XKR4: variants seen among roughly 807,000 people sequenced by gnomAD.
XKR4 encodes XK-related protein 4.
Under a neutral mutation model 53.9 loss-of-function variants are expected in XKR4, and 12 were observed. The observed-to-expected ratio is 0.22, with a 90% CI of 0.14 to 0.36. The LOEUF is 0.36. XKR4 is among the 10% of genes least tolerant of loss of function. The pLI, the probability that XKR4 is intolerant of heterozygous loss-of-function variation, is 1.00. For synonymous variants in XKR4, 354 were observed against 362.4 expected (o/e 0.98, Z 0.26); for missense variants, 799 against 859.5 (o/e 0.93, Z 0.88).
chr8:55,281,469 G>A (rs1818844097), intron 1 of XKR4, among the ~76,000 whole-genome samples: 1 of 152,150 alleles, frequency 6.6e-6, no homozygotes. Flanking sequence ...GTCAAAATGG[G>A]AAATGGGAAG....
chr8:55,396,251 C>T (rs999841550), intron 2 of XKR4, among the ~76,000 whole-genome samples: 6 of 152,120 alleles, frequency 3.9e-5, no homozygotes, highest in Admixed American at 1.3e-4. Flanking sequence ...TTCTGAGATG[C>T]GTGTGCTGTT....
chr8:55,383,428 A>G (rs1804263877), intron 2 of XKR4, among the ~76,000 whole-genome samples: 1 of 152,214 alleles, frequency 6.6e-6, no homozygotes, highest in Admixed American at 6.5e-5. Context: ...GAAGAAGGAC[A>G]AGGAGAAGGA....
At chr8:55,386,538 T>C (rs893477375) in intron 2 of XKR4, among the ~76,000 whole-genome samples, 2 of 152,352 alleles carry the variant, frequency 1.3e-5, no homozygotes, top group African/African-American at 4.8e-5. Flanking sequence ...TAATTGAGGA[T>C]TCAATAAGAA....
chr8:55,313,340 C>T (rs1819413715), intron 1 of XKR4, among the ~76,000 whole-genome samples: 1 of 152,186 alleles, frequency 6.6e-6, no homozygotes, highest in Non-Finnish European at 1.5e-5. Flanking sequence ...TCTGAGGATG[C>T]TATTAGAGTA....
intron 1 of XKR4, among the ~76,000 whole-genome samples, chr8:55,158,766 C>G (rs539484597): frequency 1.3e-5 from 2 of 152,180 alleles, no homozygotes; most frequent in South Asian, 2.1e-4. Context: ...TTTTTGTTAA[C>G]TTTGTTGAAG....
Position 55,538,044 on chromosome 8 carries a change from A to T in XKR4, c.*13817A>T, listed in dbSNP as rs1340784089. On this transcript the variant is annotated 3_prime_UTR_variant, in exon 3 of 3. Coordinates refer to ENST00000327381, the MANE Select transcript of XKR4 (RefSeq NM_052898.2). ...TGGTGTCGTAGAAAACCAAAAATCCATGTTGAATATAGTGACTGTCTTAAA... is the reference window on the plus strand; with the variant it reads ...TGGTGTCGTAGAAAACCAAAAATCCTTGTTGAATATAGTGACTGTCTTAAA... 1 of 152,254 alleles carries T rather than the reference A, an allele frequency of 6.6e-6. No homozygotes were observed. The highest frequency in any genetic ancestry group is 1.9e-4 in the East Asian group (1 of 5,202). 9.4% of individuals were successfully genotyped at this position (152,254 alleles called of 1,614,324 possible).
At chr8:55,141,254 C>T (rs1004290718) in intron 1 of XKR4, among the ~76,000 whole-genome samples, 3 of 152,172 alleles carry the variant, frequency 2.0e-5, no homozygotes, top group East Asian at 1.9e-4. Context: ...GTCGCAGGAC[C>T]GCCTCCCTCC....
At chr8:55,438,403 T>A (rs1472394088) in intron 2 of XKR4, among the ~76,000 whole-genome samples, 1 of 151,494 alleles carries the variant, frequency 6.6e-6, no homozygotes, top group African/African-American at 2.4e-5. Context: ...CTGGCCAACA[T>A]GGTGAAACCC....
At position 55,227,129 on chromosome 8, in the gene XKR4, G is replaced by A. The variant is rs187356177; in HGVS notation, c.806+123835G>A. Reference sequence around the variant, plus strand: ...GCACCCTGAGCACAGAGTCCTCGTGGCGTTTAGCACATGCCATTGTGGCTG... The same window carrying A: ...GCACCCTGAGCACAGAGTCCTCGTGACGTTTAGCACATGCCATTGTGGCTG... On this transcript the variant is annotated intron_variant, in intron 1 of 2. Coordinates refer to ENST00000327381, the MANE Select transcript of XKR4 (RefSeq NM_052898.2). Among the ~76,000 whole-genome samples the A allele has an allele frequency of 2.2e-4, 34 of 152,294 alleles. No homozygotes were observed. The East Asian group carries it at 6.6e-3, about 29-fold the overall frequency.
In XKR4 at chr8:55,148,411, A is replaced by AAT. The variant is rs11449735; in HGVS notation, c.806+45131_806+45132dup. Among the ~76,000 whole-genome samples, 270 of 151,106 alleles carry AAT rather than the reference A, an allele frequency of 1.8e-3. 3 individuals carry two copies. The highest frequency in any genetic ancestry group is 5.4e-3 in the African/African-American group (223 of 41,232). ...CAGAGGAAGACCCTGTCTAAAAAAA[A>AAT]ATATATATATATATACCATAGCTTA... On this transcript the variant is annotated intron_variant, in intron 1 of 2. Transcript: ENST00000327381.
rs146696598 is a variant in XKR4, at chr8:55,461,911, A to G, written c.1007-61370A>G. On this transcript the variant is annotated intron_variant, in intron 2 of 2. Transcript: ENST00000327381. The stretch of plus-strand genomic sequence containing the variant: ...GAAATGAATGATATGAAGCATGAAG[A>G]GAAGTTTAGAGAAAAAAGAATACAA... Among the ~76,000 whole-genome samples, 560 of 152,362 alleles carry G rather than the reference A, an allele frequency of 3.7e-3. 4 individuals carry two copies. Among genetic ancestry groups the G allele is most frequent in the African/African-American group, 0.013 (527 of 41,574 alleles).
chr8:55,245,962 C>T (rs1358084808), intron 1 of XKR4, among the ~76,000 whole-genome samples: 1 of 152,092 alleles, frequency 6.6e-6, no homozygotes, highest in Non-Finnish European at 1.5e-5. Flanking sequence ...ATTAGCTGGG[C>T]GTGGTGGCGC....
intron 2 of XKR4, among the ~76,000 whole-genome samples, chr8:55,468,716 G>A (rs1401076165): frequency 2.0e-5 from 3 of 152,058 alleles, no homozygotes; most frequent in African/African-American, 2.4e-5. Flanking sequence ...GGCATTAAAT[G>A]TCCTCATCTA....
intron 1 of XKR4, among the ~76,000 whole-genome samples, chr8:55,339,387 G>A (rs1563327684): frequency 6.6e-6 from 1 of 152,114 alleles, no homozygotes; most frequent in Non-Finnish European, 1.5e-5. Context: ...CATATATAAA[G>A]CATTTTACCA....
intron 2 of XKR4, among the ~76,000 whole-genome samples, chr8:55,496,238 A>T (rs1326836696): frequency 6.6e-6 from 1 of 152,204 alleles, no homozygotes; most frequent in Non-Finnish European, 1.5e-5. Flanking sequence ...ATGGATAAAG[A>T]TTAGGACTCT....
At chr8:55,333,918 C>A (rs1803415842) in intron 1 of XKR4, among the ~76,000 whole-genome samples, 1 of 152,118 alleles carries the variant, frequency 6.6e-6, no homozygotes, top group African/African-American at 2.4e-5. Context: ...ATTTAGTTTT[C>A]TCTTAATGAG....
At chr8:55,273,939 G>T (rs1006113509) in intron 1 of XKR4, among the ~76,000 whole-genome samples, 2 of 152,278 alleles carry the variant, frequency 1.3e-5, no homozygotes, top group Non-Finnish European at 2.9e-5. Flanking sequence ...CATCTAGTGG[G>T]GCTAAAAGGA....
At chr8:55,296,868 G>T (rs1819108718) in intron 1 of XKR4, among the ~76,000 whole-genome samples, 1 of 152,078 alleles carries the variant, frequency 6.6e-6, no homozygotes, top group African/African-American at 2.4e-5. Flanking sequence ...ATGTTCAAAA[G>T]AAATAACAAA....
chr8:55,163,622 G>T (rs1413163705), intron 1 of XKR4, among the ~76,000 whole-genome samples: 1 of 152,158 alleles, frequency 6.6e-6, no homozygotes, highest in South Asian at 2.1e-4. Context: ...GGGGTGGGCT[G>T]ATCACCTGAG....
Sources: gnomAD v4.1 joint callset for allele counts (sites outside exome capture counted in the v4.1 genomes callset) on GRCh38, gnomAD v4.1.1 for gene constraint, MANE v1.5 for transcripts, NCBI Gene and HGNC (gene_info 2026-07-23, HGNC 2026-07-21) for gene names.